TMCO1: variants seen among roughly 807,000 people sequenced by gnomAD.
The protein encoded by TMCO1 is transmembrane and coiled-coil domains 1, also known as calcium load-activated calcium channel.
TMCO1 carries 29 observed loss-of-function variants against 29.3 expected under a neutral mutation model. The observed-to-expected ratio is 0.99, with a 90% CI of 0.74 to 1.35. The LOEUF is 1.35. TMCO1 is among the 40% of genes most tolerant of loss of function. TMCO1 has a pLI of 0.00. For synonymous variants in TMCO1, 80 were observed against 77.1 expected, an observed-to-expected ratio of 1.04 and a Z score of -0.20; for missense variants, 173 against 225.5, an observed-to-expected ratio of 0.77 and a Z score of 1.49.
chr1:165,756,253 G>T (rs1402241498), intron 3 of TMCO1, among the ~76,000 whole-genome samples: 2 of 152,130 alleles, frequency 1.3e-5, no homozygotes, highest in African/African-American at 4.8e-5. Flanking sequence ...TTCCTAAGGG[G>T]TTGGGAGTGG....
chr1:165,746,308 C>CA (rs67433376), intron 5 of TMCO1, among the ~76,000 whole-genome samples: 5,366 of 123,398 alleles, frequency 0.043, 302 homozygotes, highest in African/African-American at 0.14. Flanking sequence ...GACTCCATCT[C>CA]AAAAAAAAAA....
intron 6 of TMCO1, among the ~76,000 whole-genome samples, chr1:165,730,957 T>TGGTGC (rs1651138582): frequency 6.6e-6 from 1 of 151,712 alleles, no homozygotes. Flanking sequence ...TGGAGTGCAG[T>TGGTGC]GGTGCGATCT....
chr1:165,756,508 A>T (rs535168846), intron 3 of TMCO1, among the ~76,000 whole-genome samples: 13 of 152,324 alleles, frequency 8.5e-5, no homozygotes, highest in African/African-American at 3.1e-4. Context: ...AACAAACTAT[A>T]TAAAATTCAT....
chr1:165,741,230 T>TAA (rs1431713986), intron 6 of TMCO1, among the ~76,000 whole-genome samples: 1 of 152,230 alleles, frequency 6.6e-6, no homozygotes, highest in African/African-American at 2.4e-5. Flanking sequence ...AATCAATAAC[T>TAA]AAGTTCAGCT....
intron 2 of TMCO1, 48 bp downstream of exon 2, chr1:165,768,137 TGGACTTA>T: frequency 7.2e-7 from 1 of 1,381,194 alleles, no homozygotes; most frequent in Non-Finnish European, 1.0e-6. Flanking sequence ...ATTGTGAACA[TGGACTTA>T]ATGAGCTTGA....
chr1:165,768,488 C>A, intron 1 of TMCO1, 194 bp downstream of exon 1: 1 of 1,543,750 alleles, frequency 6.5e-7, no homozygotes, highest in Non-Finnish European at 8.7e-7. Flanking sequence ...CTACCTGAGA[C>A]CAAAGAAAAC....
intron 6 of TMCO1, among the ~76,000 whole-genome samples, chr1:165,738,030 C>T (rs1651455010): frequency 6.6e-6 from 1 of 152,134 alleles, no homozygotes; most frequent in African/African-American, 2.4e-5. Flanking sequence ...GATTGGAAAG[C>T]TGCCAGGCGT....
intron 6 of TMCO1, among the ~76,000 whole-genome samples, chr1:165,738,948 T>A (rs988305318): frequency 6.6e-6 from 1 of 152,144 alleles, no homozygotes. Flanking sequence ...TTTTTTCTCA[T>A]GCGTGTCATG....
chr1:165,757,042 C>T (rs1334813470), intron 3 of TMCO1, among the ~76,000 whole-genome samples: 1 of 152,050 alleles, frequency 6.6e-6, no homozygotes, highest in Non-Finnish European at 1.5e-5. Flanking sequence ...AGTCTCATTC[C>T]AGGCTTATCA....
At chr1:165,735,450 G>T (rs2101791261) in intron 6 of TMCO1, among the ~76,000 whole-genome samples, 1 of 150,574 alleles carries the variant, frequency 6.6e-6, no homozygotes, top group African/African-American at 2.4e-5. Context: ...GGAAAACAGA[G>T]AGACAACAAA....
chr1:165,751,717 G>T (rs1571224189), intron 5 of TMCO1, among the ~76,000 whole-genome samples: 1 of 149,784 alleles, frequency 6.7e-6, no homozygotes, highest in Non-Finnish European at 1.5e-5. Context: ...AAAAAAAAAA[G>T]ACCCAAAAAA....
chr1:165,726,950 T>C lies in TMCO1; in HGVS notation c.*1073A>G, dbSNP rs1296433380. 7 of 453,970 alleles carry C rather than the reference T, an allele frequency of 1.5e-5. No homozygotes were observed. The highest frequency in any genetic ancestry group is 1.4e-4 in the Admixed American group (6 of 42,556). The allele number at this position is 453,970 out of a possible 1,614,324, so 28.1% of individuals were successfully genotyped here. A position where few individuals can be genotyped will look rare whatever the true frequency, so the allele number is the denominator to read the frequency against. On this transcript the variant is annotated 3_prime_UTR_variant, in exon 7 of 7. Coordinates refer to ENST00000367881, the MANE Select transcript of TMCO1 (RefSeq NM_019026.6). The stretch of plus-strand genomic sequence containing the variant: ...AAGAAGTTTGCTGTTGGTTTAACAA[T>C]GATTACCTTGAAAATTATGTGTTTT...
At position 165,727,089 on chromosome 1, in the gene TMCO1, T is replaced by A; in HGVS notation, c.*934A>T. ...ATAGATTATGCGGGGAGGATCATGG[T>A]ACAAACATCCTTCTCCCTTATGAAG... On this transcript the variant is annotated 3_prime_UTR_variant, in exon 7 of 7. Coordinates refer to ENST00000367881, the MANE Select transcript of TMCO1 (RefSeq NM_019026.6). 1 of 454,098 alleles carries A rather than the reference T, an allele frequency of 2.2e-6. No individual in the cohort carries two copies. The highest frequency in any genetic ancestry group is 1.6e-5 in the South Asian group (1 of 64,470). 28.1% of individuals were successfully genotyped at this position (454,098 alleles called of 1,614,324 possible).
At chr1:165,731,595 T>A (rs1227319065) in intron 6 of TMCO1, among the ~76,000 whole-genome samples, 4 of 152,154 alleles carry the variant, frequency 2.6e-5, no homozygotes, top group Non-Finnish European at 5.9e-5. Context: ...TTAAAGAAGA[T>A]GATTGAAAAA....
At chr1:165,765,294 T>C (rs915278624) in intron 2 of TMCO1, among the ~76,000 whole-genome samples, 1 of 152,088 alleles carries the variant, frequency 6.6e-6, no homozygotes, top group Non-Finnish European at 1.5e-5. Flanking sequence ...TTATTTTTAT[T>C]TTTTTTGAGA....
At chr1:165,759,465 T>C in intron 3 of TMCO1, 60 bp downstream of exon 3, 2 of 1,180,150 alleles carry the variant, frequency 1.7e-6, no homozygotes, top group Non-Finnish European at 2.5e-6. Flanking sequence ...ATTTTCATTA[T>C]CTAAGAATTA....
At position 165,768,192 on chromosome 1, in the gene TMCO1, A is replaced by AT. The variant is rs777163859; in HGVS notation, c.147dup (p.Leu50IlefsTer30). 5 of 1,612,890 alleles carry AT rather than the reference A, an allele frequency of 3.1e-6. No homozygotes were observed. Among genetic ancestry groups the AT allele is most frequent in the Non-Finnish European group, 4.2e-6 (5 of 1,179,008 alleles). ...ATTTCTAATGTGTTGCCATACTCAC[A>AT]TTTTTTACTCTGTTTTTCCACTTCT... On this transcript the variant is annotated frameshift_variant and splice_region_variant, in exon 2 of 7. Transcript: ENST00000367881. LOFTEE classifies it high-confidence loss of function.
intron 2 of TMCO1, among the ~76,000 whole-genome samples, chr1:165,764,207 C>A (rs757406450): frequency 4.6e-5 from 7 of 152,192 alleles, no homozygotes; most frequent in Non-Finnish European, 1.0e-4. Flanking sequence ...AGGATCATAG[C>A]AGAACAATTT....
At chr1:165,752,040 C>T in intron 5 of TMCO1, 62 bp downstream of exon 5, 1 of 1,344,074 alleles carries the variant, frequency 7.4e-7, no homozygotes, top group Non-Finnish European at 1.1e-6. Flanking sequence ...AAAGTTCATG[C>T]TAACATACAT....
Sources: allele counts gnomAD v4.1 joint callset (sites outside exome capture counted in the v4.1 genomes callset), GRCh38; gene constraint gnomAD v4.1.1; transcripts MANE v1.5; gene names NCBI Gene and HGNC (gene_info 2026-07-23, HGNC 2026-07-21).